The following FBN2 variants were observed in gnomAD, a reference collection of about 807,000 sequenced individuals.
The protein encoded by FBN2 is fibrillin 2.
FBN2 carries 105 observed loss-of-function variants against 355.6 expected under a neutral mutation model. The observed-to-expected ratio is 0.30, with a 90% CI of 0.25 to 0.35. The LOEUF is 0.35. Ranked by LOEUF, FBN2 falls within the 10% of genes least tolerant of loss-of-function variation. FBN2 has a pLI of 1.00. For missense variants in FBN2, 3,280 were observed against 3,758.7 expected (o/e 0.87, Z 3.33); for synonymous variants, 1,350 against 1,301.2 (o/e 1.04, Z -0.81).
chr5:128,519,320 T>G lies in FBN2; in HGVS notation c.581A>C (p.Asn194Thr), dbSNP rs535781418. The G allele has an allele frequency of 6.2e-7, 1 of 1,614,028 alleles. No individual in the cohort carries two copies. The highest frequency in any genetic ancestry group is 1.3e-5 in the African/African-American group (1 of 75,042). Residue 194 changes from asparagine to threonine, a missense_variant, in exon 5 of 65, where the codon AAC (asparagine) becomes ACC (threonine). Transcript: ENST00000262464. The stretch of plus-strand genomic sequence containing the variant: ...GAACCCATAAACACAAGCACAGCGG[T>G]TGGGTCCGATGCAACGTCCACCATT... ...CQNGGRCIGP[N>T]RCACVYGFTG... is the part of the protein sequence containing the mutation.
intron 8 of FBN2, among the ~76,000 whole-genome samples, chr5:128,398,922 C>T (rs1752721320): frequency 6.6e-6 from 1 of 152,162 alleles, no homozygotes; most frequent in Non-Finnish European, 1.5e-5. Flanking sequence ...TGCCTTTCAC[C>T]TTGCACCATG....
chr5:128,291,477 C>A, intron 49 of FBN2, 52 bp downstream of exon 49: 2 of 1,603,366 alleles, frequency 1.2e-6, no homozygotes, highest in South Asian at 2.2e-5. Context: ...TACAATTCAG[C>A]TTTAAAGTTT....
chr5:128,299,527 C>T (rs878911425), intron 48 of FBN2, among the ~76,000 whole-genome samples: 7 of 151,838 alleles, frequency 4.6e-5, no homozygotes, highest in East Asian at 1.9e-4. Flanking sequence ...TCTCCTGGTG[C>T]GCCGTTTTTT....
At chr5:128,500,173 G>C (rs1444030531) in intron 5 of FBN2, among the ~76,000 whole-genome samples, 3 of 151,714 alleles carry the variant, frequency 2.0e-5, no homozygotes, top group Admixed American at 2.0e-4. Flanking sequence ...AAAATTCCTG[G>C]AAAATACAGT....
chr5:128,378,011 T>TTTG, intron 12 of FBN2, 134 bp from the exon 13 acceptor site: 1 of 808,168 alleles, frequency 1.2e-6, no homozygotes, highest in Non-Finnish European at 1.9e-6. Flanking sequence ...CTCAGCAGTT[T>TTTG]TTTTTTTTTT....
At chr5:128,344,700 C>CTTT (rs143617398) in intron 24 of FBN2, among the ~76,000 whole-genome samples, 190 bp from the exon 25 acceptor site, 1 of 139,156 alleles carries the variant, frequency 7.2e-6, no homozygotes, top group African/African-American at 2.6e-5. Flanking sequence ...ATCTTATATT[C>CTTT]TTTTTTTTTT....
chr5:128,399,316 CT>C (rs34145786), intron 8 of FBN2, among the ~76,000 whole-genome samples: 1 of 152,162 alleles, frequency 6.6e-6, no homozygotes, highest in African/African-American at 2.4e-5. Flanking sequence ...AAATTGCTGA[CT>C]TTTTGGCAGC....
At chr5:128,522,336 G>T (rs531784508) in intron 4 of FBN2, among the ~76,000 whole-genome samples, 1 of 152,094 alleles carries the variant, frequency 6.6e-6, no homozygotes, top group Non-Finnish European at 1.5e-5. Flanking sequence ...CAAGTACTTC[G>T]CAAGGCAGAA....
intron 5 of FBN2, among the ~76,000 whole-genome samples, chr5:128,494,129 T>C (rs536579633): frequency 1.3e-5 from 2 of 152,296 alleles, no homozygotes; most frequent in Non-Finnish European, 2.9e-5. Flanking sequence ...AGCCCTACCC[T>C]GCATCCTATT....
chr5:128,352,012 T>C (rs1385947619), intron 20 of FBN2, among the ~76,000 whole-genome samples: 1 of 152,128 alleles, frequency 6.6e-6, no homozygotes, highest in African/African-American at 2.4e-5. Flanking sequence ...CTACCTTAAG[T>C]CCCTACTAAA....
intron 41 of FBN2, among the ~76,000 whole-genome samples, chr5:128,308,161 C>T (rs889897503): frequency 1.1e-4 from 17 of 152,058 alleles, no homozygotes; most frequent in Admixed American, 4.6e-4. Flanking sequence ...GCAGGAGGTT[C>T]CACAATAAGT....
intron 5 of FBN2, among the ~76,000 whole-genome samples, chr5:128,483,884 G>T (rs974277506): frequency 6.6e-6 from 1 of 152,126 alleles, no homozygotes; most frequent in Non-Finnish European, 1.5e-5. Flanking sequence ...AAATCTGGTT[G>T]CCAGTAGAGA....
At position 128,417,047 on chromosome 5, in the gene FBN2, TC is replaced by T. The variant is rs1753220178; in HGVS notation, c.953-8249del. 2.0e-5 allele frequency among the ~76,000 whole-genome samples: 3 copies of T among 152,228 alleles called. 1 individual carries two copies. The South Asian group carries it at 6.2e-4, about 32-fold the overall frequency. On this transcript the variant is annotated intron_variant, in intron 7 of 64. Coordinates refer to ENST00000262464, the MANE Select transcript of FBN2 (RefSeq NM_001999.4). ...TTCTTTCGTAAGTGTTTTGCAGTTT[TC>T]CTTATGGAAGAATTCACTTCCTTAG...
chr5:128,356,471 AAAACTGAAAT>A (rs1228255559), intron 20 of FBN2, among the ~76,000 whole-genome samples: 1 of 152,256 alleles, frequency 6.6e-6, no homozygotes. Context: ...GGCACTATGT[AAAACTGAAAT>A]ATCTTCCTAT....
Position 128,338,964 on chromosome 5 carries a change from T to C in FBN2, c.3441A>G (p.Glu1147=). 1 of 1,614,058 alleles carries C rather than the reference T, an allele frequency of 6.2e-7. No homozygotes were observed. Among genetic ancestry groups the C allele is most frequent in the South Asian group, 1.1e-5 (1 of 91,072 alleles). Residue 1147 remains glutamate, a synonymous_variant, in exon 26 of 65, where the codon GAA becomes GAG. Transcript: ENST00000262464. The part of the protein sequence containing the change: ...SFECECFEGY[E]SGFMMMKNCM... ...AGTTCTTCATCATCATGAAGCCACT[T>C]TCATAGCCTTCGAAGCACTCGCACT...
chr5:128,520,446 C>T (rs1381954915), intron 4 of FBN2, among the ~76,000 whole-genome samples: 2 of 151,986 alleles, frequency 1.3e-5, no homozygotes, highest in Admixed American at 1.3e-4. Flanking sequence ...CCTGTGTCCA[C>T]AAATGGAGTT....
chr5:128,354,620 G>A (rs1282144006), intron 20 of FBN2, among the ~76,000 whole-genome samples: 2 of 152,174 alleles, frequency 1.3e-5, no homozygotes, highest in South Asian at 2.1e-4. Flanking sequence ...TGTGGTGATC[G>A]TGAGAAGGGG....
At chr5:128,536,315 A>T in intron 2 of FBN2, 87 bp downstream of exon 2, 2 of 980,832 alleles carry the variant, frequency 2.0e-6, no homozygotes, top group South Asian at 2.7e-5. Flanking sequence ...AAACGCAACT[A>T]TGCGTCCAAA....
At chr5:128,441,598 T>C (rs769423515) in intron 7 of FBN2, among the ~76,000 whole-genome samples, 9 of 152,244 alleles carry the variant, frequency 5.9e-5, no homozygotes, top group Non-Finnish European at 1.0e-4. Flanking sequence ...GTCTGGACTA[T>C]AGAAAATGTT....
Sources: allele counts gnomAD v4.1 joint callset (sites outside exome capture counted in the v4.1 genomes callset), GRCh38; gene constraint gnomAD v4.1.1; transcripts MANE v1.5; gene names NCBI Gene and HGNC (gene_info 2026-07-23, HGNC 2026-07-21).